EYS: variants seen among roughly 807,000 people sequenced by gnomAD.
The protein encoded by EYS is EGF-like photoreceptor maintenance factor, also known as protein eyes shut homolog.
In EYS, 250 loss-of-function variants were observed where a neutral mutation model predicts 282.1. The observed-to-expected ratio is 0.89, with a 90% CI of 0.80 to 0.98. The LOEUF is 0.98. Among genes scored for constraint, EYS ranks in the 50% least tolerant of loss-of-function variants. The probability of loss-of-function intolerance (pLI) is 0.00; values close to 1 mark genes in which losing one functional copy is unlikely to be tolerated. For missense variants in EYS, 4,016 were observed against 3,709.0 expected (o/e 1.08, Z -2.15); for synonymous variants, 1,355 against 1,282.9 (o/e 1.06, Z -1.20).
At chr6:64,892,715 T>C (rs140276378) in intron 18 of EYS, among the ~76,000 whole-genome samples, 164 of 152,218 alleles carry the variant, frequency 1.1e-3, no homozygotes, top group Middle Eastern at 0.01. Context: ...TGTCTTTATA[T>C]GTTTTTATTA....
At chr6:65,182,612 T>G (rs926397065) in intron 12 of EYS, among the ~76,000 whole-genome samples, 4 of 151,958 alleles carry the variant, frequency 2.6e-5, no homozygotes, top group Non-Finnish European at 4.4e-5. Context: ...CAATCATAAT[T>G]TAAATGCTAA....
chr6:64,941,821 T>C (rs898880573), intron 15 of EYS, among the ~76,000 whole-genome samples: 9 of 152,162 alleles, frequency 5.9e-5, no homozygotes, highest in African/African-American at 2.2e-4. Flanking sequence ...TAGTAGTCCA[T>C]GGTGTATATG....
chr6:63,720,567 T>C lies in EYS; in HGVS notation c.*29A>G, dbSNP rs192504013. ...CTATCAAAATAACTGCATTTATGTA[T>C]AGTGTGTACTAAAATCTCTAGTGTT... On this transcript the variant is annotated 3_prime_UTR_variant, in exon 43 of 43. Coordinates refer to ENST00000503581, the MANE Select transcript of EYS (RefSeq NM_001142800.2). 2.7e-4 allele frequency: 383 copies of C among 1,411,168 alleles called. 1 individual carries two copies. The African/African-American group carries it at 4.9e-3, about 18-fold the overall frequency. 87.4% of individuals were successfully genotyped at this position (1,411,168 alleles called of 1,614,324 possible).
intron 12 of EYS, among the ~76,000 whole-genome samples, chr6:65,189,879 A>C (rs1412397097): frequency 5.3e-5 from 8 of 151,804 alleles, no homozygotes; most frequent in African/African-American, 1.9e-4. Context: ...GAAAACAAAC[A>C]GATAAACATA....
chr6:64,533,401 TGTACATTAAAATTAAAC>T, intron 26 of EYS, among the ~76,000 whole-genome samples: 4 of 152,098 alleles, frequency 2.6e-5, no homozygotes, highest in Admixed American at 6.5e-5. Context: ...CAATTATCTA[TGTACATTAAAATTAAAC>T]TGCTTAGAAG....
At chr6:64,494,363 C>T (rs1461214996) in intron 26 of EYS, among the ~76,000 whole-genome samples, 1 of 151,628 alleles carries the variant, frequency 6.6e-6, no homozygotes, top group African/African-American at 2.4e-5. Flanking sequence ...CTCAGACTTT[C>T]ACCACCTACT....
intron 30 of EYS, among the ~76,000 whole-genome samples, chr6:64,265,982 T>G (rs1767744294): frequency 6.6e-6 from 1 of 152,118 alleles, no homozygotes; most frequent in South Asian, 2.1e-4. Flanking sequence ...GTGGCAATAC[T>G]TTTCAGATTC....
At chr6:65,697,170 T>C (rs1428633895) in intron 1 of EYS, among the ~76,000 whole-genome samples, 2 of 152,076 alleles carry the variant, frequency 1.3e-5, no homozygotes, top group Admixed American at 6.5e-5. Flanking sequence ...GTTTTAAAAT[T>C]ATTATAATTA....
intron 5 of EYS, chr6:65,489,593 A>G (rs1210948015): frequency 6.6e-5 from 10 of 152,184 alleles, no homozygotes; most frequent in Admixed American, 4.6e-4. Context: ...CTAGAACTAG[A>G]AATACCATTT....
intron 12 of EYS, among the ~76,000 whole-genome samples, chr6:65,277,870 C>A (rs1342610): frequency 0.99 from 150,153 of 152,092 alleles, 74,147 homozygotes; most frequent in East Asian, 1. Context: ...TAAGTTAACA[C>A]GGGATGGACT....
chr6:65,542,597 C>A (rs1037489840), intron 2 of EYS, among the ~76,000 whole-genome samples: 2 of 151,700 alleles, frequency 1.3e-5, no homozygotes, highest in African/African-American at 4.8e-5. Flanking sequence ...TTGACAGCAA[C>A]CTCGGTCATA....
intron 12 of EYS, among the ~76,000 whole-genome samples, chr6:65,198,184 A>G (rs998331012): frequency 2.0e-5 from 3 of 152,158 alleles, no homozygotes; most frequent in African/African-American, 4.8e-5. Flanking sequence ...AATAAGGATC[A>G]TCAATATCAC....
At chr6:65,275,268 T>C (rs1223365311) in intron 12 of EYS, among the ~76,000 whole-genome samples, 2 of 152,202 alleles carry the variant, frequency 1.3e-5, no homozygotes, top group Non-Finnish European at 2.9e-5. Context: ...GTTGGTATGT[T>C]ACTGGACCTT....
intron 9 of EYS, among the ~76,000 whole-genome samples, chr6:65,344,384 C>T (rs1770317127): frequency 6.6e-6 from 1 of 151,430 alleles, no homozygotes; most frequent in African/African-American, 2.4e-5. Context: ...AGAAATACAG[C>T]ATCACAAGAA....
intron 14 of EYS, among the ~76,000 whole-genome samples, chr6:64,981,193 C>T (rs959697661): frequency 6.6e-6 from 1 of 151,250 alleles, no homozygotes; most frequent in South Asian, 2.1e-4. Context: ...AATAAACATT[C>T]CTGGCTTTCA....
intron 22 of EYS, among the ~76,000 whole-genome samples, chr6:64,640,563 C>A (rs1768099252): frequency 7.0e-6 from 1 of 142,918 alleles, no homozygotes. Flanking sequence ...ACTCTGGGGA[C>A]TGTTGTGGGG....
At chr6:64,099,466 C>T (rs531561329) in intron 31 of EYS, among the ~76,000 whole-genome samples, 1 of 152,326 alleles carries the variant, frequency 6.6e-6, no homozygotes, top group South Asian at 2.1e-4. Flanking sequence ...ATTATACCTT[C>T]ACAGTCTTGT....
At chr6:64,266,780 A>G (rs9362656) in intron 30 of EYS, among the ~76,000 whole-genome samples, 103,265 of 151,968 alleles carry the variant, frequency 0.68, 35,106 homozygotes, top group South Asian at 0.71. Context: ...ACATGGGCTA[A>G]CCCTAAGTTC....
At chr6:64,461,137 G>A (rs890850504) in intron 26 of EYS, among the ~76,000 whole-genome samples, 5 of 152,154 alleles carry the variant, frequency 3.3e-5, no homozygotes, top group Non-Finnish European at 7.3e-5. Context: ...GAAGTTTCAT[G>A]TAAGGAATAT....
Sources: allele counts gnomAD v4.1 joint callset (sites outside exome capture counted in the v4.1 genomes callset), GRCh38; gene constraint gnomAD v4.1.1; transcripts MANE v1.5; gene names NCBI Gene and HGNC (gene_info 2026-07-23, HGNC 2026-07-21).